The following LUZP2 variants were observed in gnomAD, a reference collection of about 807,000 sequenced individuals.
LUZP2 encodes the protein leucine zipper protein 2.
A neutral mutation model predicts 51.6 loss-of-function variants in LUZP2; 52 were observed. The ratio of observed to expected loss-of-function variants is 1.01; its 90% confidence interval spans 0.81 to 1.27. The LOEUF is 1.27. Among genes scored for constraint, LUZP2 ranks in the 50% most tolerant of loss-of-function variants. LUZP2 has a pLI of 0.00. For missense variants in LUZP2, 436 were observed against 395.4 expected (o/e 1.10, Z -0.87); for synonymous variants, 154 against 137.3 (o/e 1.12, Z -0.85).
At chr11:24,962,472 T>A (rs1855442837) in intron 7 of LUZP2, among the ~76,000 whole-genome samples, 1 of 152,152 alleles carries the variant, frequency 6.6e-6, no homozygotes, top group African/African-American at 2.4e-5. Flanking sequence ...TTCTTTTTAT[T>A]CTTTTTTCTC....
intron 10 of LUZP2, among the ~76,000 whole-genome samples, chr11:25,057,087 A>G (rs1396530416): frequency 6.6e-6 from 1 of 152,078 alleles, no homozygotes. Flanking sequence ...TTTGTTGTTC[A>G]TTTATTGCAG....
At chr11:24,847,289 C>A (rs959449985) in intron 5 of LUZP2, among the ~76,000 whole-genome samples, 6 of 151,936 alleles carry the variant, frequency 3.9e-5, no homozygotes, top group Non-Finnish European at 7.4e-5. Flanking sequence ...CTTCAGGATC[C>A]AATCTAAGAT....
At chr11:24,501,297 G>A (rs1321334971) in intron 1 of LUZP2, among the ~76,000 whole-genome samples, 1 of 152,126 alleles carries the variant, frequency 6.6e-6, no homozygotes, top group East Asian at 1.9e-4. Context: ...GACTTATCTG[G>A]TGATTATCTT....
In LUZP2 at chr11:25,079,413, A is replaced by T. The variant is rs963090220; in HGVS notation, c.*755A>T. ...TGAAATACTTGGCAGGATTTTTGGTATGAAGTTGGGTAGTGGAATAGGGAA... is the reference window on the plus strand; with the variant it reads ...TGAAATACTTGGCAGGATTTTTGGTTTGAAGTTGGGTAGTGGAATAGGGAA... On this transcript the variant is annotated 3_prime_UTR_variant, in exon 12 of 12. Transcript: ENST00000336930. 1.3e-5 allele frequency: 2 copies of T among 152,144 alleles called. No individual in the cohort carries two copies. Among genetic ancestry groups the T allele is most frequent in the African/African-American group, 2.4e-5 (1 of 41,450 alleles). The allele number at this position is 152,144 out of a possible 1,614,324, so 9.4% of individuals were successfully genotyped here.
chr11:24,920,870 A>T (rs1180025800), intron 7 of LUZP2, among the ~76,000 whole-genome samples: 1 of 152,154 alleles, frequency 6.6e-6, no homozygotes, highest in Non-Finnish European at 1.5e-5. Flanking sequence ...TGATGGATAC[A>T]CTGAAAGCCC....
At chr11:24,558,414 A>G (rs1509612) in intron 1 of LUZP2, among the ~76,000 whole-genome samples, 63,165 of 151,496 alleles carry the variant, frequency 0.42, 13,684 homozygotes, top group African/African-American at 0.51. Flanking sequence ...ATAGCCTATC[A>G]GTTCTGTCTC....
At chr11:25,004,686 A>G (rs975744725) in intron 9 of LUZP2, among the ~76,000 whole-genome samples, 2 of 152,180 alleles carry the variant, frequency 1.3e-5, no homozygotes, top group Non-Finnish European at 2.9e-5. Flanking sequence ...TATGGTGGAC[A>G]TCATTGAATA....
At chr11:24,977,880 ATTG>A (rs1219420469) in intron 8 of LUZP2, among the ~76,000 whole-genome samples, 1 of 150,004 alleles carries the variant, frequency 6.7e-6, no homozygotes, top group Non-Finnish European at 1.5e-5. Flanking sequence ...ATCTGCTTCT[ATTG>A]TTTTTAATTT....
chr11:24,696,708 C>T (rs1221325480), intron 1 of LUZP2, among the ~76,000 whole-genome samples: 2 of 151,706 alleles, frequency 1.3e-5, no homozygotes, highest in Non-Finnish European at 2.9e-5. Flanking sequence ...CAATGAAAAA[C>T]AAATCAGGTT....
chr11:24,780,366 CAG>C (rs1849054327), intron 5 of LUZP2, among the ~76,000 whole-genome samples: 1 of 152,194 alleles, frequency 6.6e-6, no homozygotes, highest in South Asian at 2.1e-4. Flanking sequence ...CCATATTAAG[CAG>C]AGAGGAAATA....
At chr11:24,948,341 AC>A (rs1303372424) in intron 7 of LUZP2, among the ~76,000 whole-genome samples, 2 of 151,184 alleles carry the variant, frequency 1.3e-5, no homozygotes, top group African/African-American at 4.9e-5. Context: ...TCATTTAATT[AC>A]TTAAATATTA....
At chr11:24,837,587 C>A (rs931365403) in intron 5 of LUZP2, among the ~76,000 whole-genome samples, 2 of 151,548 alleles carry the variant, frequency 1.3e-5, no homozygotes, top group African/African-American at 4.8e-5. Flanking sequence ...GAAAAACAAT[C>A]GACCTGGAAA....
intron 10 of LUZP2, among the ~76,000 whole-genome samples, chr11:25,066,590 T>A (rs1230299445): frequency 6.6e-6 from 1 of 151,982 alleles, no homozygotes; most frequent in Non-Finnish European, 1.5e-5. Flanking sequence ...CTTTATTCTA[T>A]AGGCAATGGG....
chr11:24,606,230 C>T (rs886602555), intron 1 of LUZP2, among the ~76,000 whole-genome samples: 1 of 151,730 alleles, frequency 6.6e-6, no homozygotes, highest in African/African-American at 2.4e-5. Context: ...AATTTTTGGA[C>T]TTTATGATAC....
intron 7 of LUZP2, among the ~76,000 whole-genome samples, chr11:24,955,050 A>T (rs1855177211): frequency 6.6e-6 from 1 of 152,018 alleles, no homozygotes; most frequent in Non-Finnish European, 1.5e-5. Context: ...GAGAAATTAT[A>T]CTGTACACGT....
chr11:24,763,040 A>C, intron 4 of LUZP2: 1 of 663,890 alleles, frequency 1.5e-6, no homozygotes, highest in Non-Finnish European at 1.9e-6. Context: ...ATAGTTTGTT[A>C]AATGAAAAAA....
At chr11:24,573,095 A>C (rs889613568) in intron 1 of LUZP2, among the ~76,000 whole-genome samples, 2 of 141,872 alleles carry the variant, frequency 1.4e-5, no homozygotes, top group Non-Finnish European at 3.1e-5. Flanking sequence ...GAAGGAAATT[A>C]TTGTAAATAA....
chr11:24,562,728 G>A (rs757523355), intron 1 of LUZP2, among the ~76,000 whole-genome samples: 1 of 151,504 alleles, frequency 6.6e-6, no homozygotes, highest in Non-Finnish European at 1.5e-5. Context: ...TGGGCGTGGT[G>A]GTGGGCGCCT....
chr11:24,925,427 G>A (rs1476192871), intron 7 of LUZP2, among the ~76,000 whole-genome samples: 2 of 152,182 alleles, frequency 1.3e-5, no homozygotes, highest in African/African-American at 4.8e-5. Context: ...AGAACCAACA[G>A]CTTAGAAGTA....
Sources: gnomAD v4.1 joint callset for allele counts (sites outside exome capture counted in the v4.1 genomes callset) on GRCh38, gnomAD v4.1.1 for gene constraint, MANE v1.5 for transcripts, NCBI Gene and HGNC (gene_info 2026-07-23, HGNC 2026-07-21) for gene names.